The following SDC3 variants were observed in gnomAD, a reference collection of about 807,000 sequenced individuals.
SDC3 encodes syndecan 3, also known as syndecan-3.
A neutral mutation model predicts 24.4 loss-of-function variants in SDC3; 13 were observed. The ratio of observed to expected loss-of-function variants is 0.53; its 90% confidence interval spans 0.35 to 0.85. The LOEUF (loss-of-function observed/expected upper bound fraction) is 0.85, where lower values mean the gene tolerates loss of function less well. SDC3 is among the 40% of genes least tolerant of loss of function. The pLI, the probability that SDC3 is intolerant of heterozygous loss-of-function variation, is 0.01. For missense variants in SDC3, 571 were observed against 584.5 expected, an observed-to-expected ratio of 0.98 and a Z score of 0.24; for synonymous variants, 295 against 260.9, an observed-to-expected ratio of 1.13 and a Z score of -1.26.
Position 30,887,172 on chromosome 1 carries a change from G to A in SDC3, c.139-8432C>T, listed in dbSNP as rs138701335. Among the ~76,000 whole-genome samples the A allele has an allele frequency of 4.3e-3, 652 of 152,146 alleles. 3 individuals carry two copies. Among genetic ancestry groups the A allele is most frequent in the African/African-American group, 0.015 (618 of 41,498 alleles). On this transcript the variant is annotated intron_variant, in intron 1 of 4. Coordinates refer to ENST00000339394, the MANE Select transcript of SDC3 (RefSeq NM_014654.4). The stretch of plus-strand genomic sequence containing the variant: ...TCACACGACAGGTGGCCCAGCTCAG[G>A]TAGGCACCCCCTGCCCCCACCATGA...
At position 30,881,606 on chromosome 1, in the gene SDC3, G is replaced by A. The variant is rs1003500032; in HGVS notation, c.139-2866C>T. On this transcript the variant is annotated intron_variant, in intron 1 of 4. Transcript: ENST00000339394. ...GACACCCAGCAGAGGCTCCGCAAGC[G>A]GCCCATGAAGGCCTGAGCATCAGGT... Among the ~76,000 whole-genome samples the A allele has an allele frequency of 5.3e-5, 8 of 152,196 alleles. No individual in the cohort carries two copies. In the South Asian group the frequency reaches 6.2e-4, roughly 12 times the overall value.
Position 30,908,579 on chromosome 1 carries a change from G to T in SDC3, c.8C>A (p.Pro3Gln). 1 of 977,006 alleles carries T rather than the reference G, an allele frequency of 1.0e-6. No individual in the cohort carries two copies. Among genetic ancestry groups the T allele is most frequent in the South Asian group, 4.6e-5 (1 of 21,796 alleles). 60.5% of individuals were successfully genotyped at this position (977,006 alleles called of 1,614,324 possible). MK[P>Q]GPPHRAGAAH... ...GGCCCCGGCACGGTGCGGCGGCCCC[G>T]GCTTCATGGCGGCGGCGCGGGCGCG... is the stretch of plus-strand genomic sequence containing the variant. The change falls in exon 1 of 5, where the codon CCG becomes CAG. Residue 3 changes from proline (P) to glutamine (Q), a missense_variant. Physicochemically the swap from Pro to Gln is moderately conservative, Grantham distance 76 (BLOSUM62 -1). Around this residue, in one of 2 missense-constraint regions of SDC3, gnomAD observed 497 missense variants for 471.6 expected, o/e 1.05. Coordinates refer to ENST00000339394, the MANE Select transcript of SDC3 (RefSeq NM_014654.4).
At chr1:30,897,423 A>C (rs1638296453) in intron 1 of SDC3, among the ~76,000 whole-genome samples, 1 of 152,190 alleles carries the variant, frequency 6.6e-6, no homozygotes. Flanking sequence ...GGGCCCTTCC[A>C]GCTGAAATCC....
At chr1:30,883,932 G>A (rs1639782584) in intron 1 of SDC3, among the ~76,000 whole-genome samples, 1 of 152,288 alleles carries the variant, frequency 6.6e-6, no homozygotes, top group African/African-American at 2.4e-5. Context: ...CCTCAGTCCT[G>A]TGAGAACTCA....
chr1:30,887,817 C>T (rs1398583485), intron 1 of SDC3, among the ~76,000 whole-genome samples: 1 of 152,186 alleles, frequency 6.6e-6, no homozygotes, highest in Admixed American at 6.5e-5. Flanking sequence ...GCATCACCTG[C>T]CTCCTGCTCC....
At chr1:30,874,704 G>T in intron 3 of SDC3, 116 bp from the exon 4 acceptor site, 2 of 913,824 alleles carry the variant, frequency 2.2e-6, no homozygotes, top group Non-Finnish European at 1.7e-6. Flanking sequence ...CAGGCACTGT[G>T]CTACACACTA....
At chr1:30,894,395 G>A (rs1156662615) in intron 1 of SDC3, among the ~76,000 whole-genome samples, 3 of 106,164 alleles carry the variant, frequency 2.8e-5, no homozygotes, top group African/African-American at 1.1e-4. Context: ...TGAGTGTGTG[G>A]GGGAGTGAGA....
intron 1 of SDC3, among the ~76,000 whole-genome samples, chr1:30,896,055 G>A (rs1302152509): frequency 1.3e-5 from 2 of 152,114 alleles, no homozygotes; most frequent in African/African-American, 4.8e-5. Flanking sequence ...CTCACTGGGT[G>A]CCCACTGCTC....
chr1:30,900,623 C>A (rs964290573), intron 1 of SDC3, among the ~76,000 whole-genome samples: 4 of 152,134 alleles, frequency 2.6e-5, no homozygotes, highest in African/African-American at 7.2e-5. Context: ...CTACTCAGGC[C>A]CTGCATCCCC....
At chr1:30,882,204 C>A (rs1344043739) in intron 1 of SDC3, among the ~76,000 whole-genome samples, 1 of 152,196 alleles carries the variant, frequency 6.6e-6, no homozygotes, top group Non-Finnish European at 1.5e-5. Context: ...TCAGTTCCCT[C>A]CACACACACA....
At chr1:30,877,299 T>A in intron 2 of SDC3, 134 bp from the exon 3 acceptor site, 1 of 1,218,072 alleles carries the variant, frequency 8.2e-7, no homozygotes, top group South Asian at 1.4e-5. Context: ...CCAGAAAAGA[T>A]GAGAGAAAGG....
At chr1:30,880,302 G>A (rs922196519) in intron 1 of SDC3, among the ~76,000 whole-genome samples, 30 of 150,948 alleles carry the variant, frequency 2.0e-4, no homozygotes, top group Non-Finnish European at 3.4e-4. Flanking sequence ...CAGGGAAGGG[G>A]GAGGCAGAGA....
chr1:30,904,760 A>G (rs1186004761), intron 1 of SDC3, among the ~76,000 whole-genome samples: 2 of 151,986 alleles, frequency 1.3e-5, no homozygotes, highest in Admixed American at 1.3e-4. Flanking sequence ...GACCACTTTC[A>G]TTGCTTAGCT....
rs10711024 is a variant in SDC3 at position 30,869,520 on chromosome 1, TAA to T, written c.*3689_*3690del. On this transcript the variant is annotated 3_prime_UTR_variant, in exon 5 of 5. Coordinates refer to ENST00000339394, the MANE Select transcript of SDC3 (RefSeq NM_014654.4). ...TAAATGGGCACAGCACAGGAAGTGTTAAAAAAACAAACAAACAAAAAAAAAAA... is the reference window on the plus strand; with the variant it reads ...TAAATGGGCACAGCACAGGAAGTGTTAAAAACAAACAAACAAAAAAAAAAA... 2.9e-6 allele frequency: 1 copy of T among 347,238 alleles called. No individual in the cohort carries two copies. The highest frequency in any genetic ancestry group is 4.9e-6 in the Non-Finnish European group (1 of 205,050). 21.5% of individuals were successfully genotyped at this position (347,238 alleles called of 1,614,324 possible).
chr1:30,873,227 T>A lies in SDC3; in HGVS notation c.1313A>T (p.Glu438Val). The change falls in exon 5 of 5, where the codon GAG becomes GTG. Residue 438 changes from glutamate to valine, a missense_variant. Coordinates refer to ENST00000339394, the MANE Select transcript of SDC3 (RefSeq NM_014654.4). ...GTGGCTCCACTAGGCATAGAACTCC[T>A]CCTGCTTGTCAGGCTTCTGGTATGT... ...SVTYQKPDKQ[E>V]EFYA is the part of the protein sequence containing the mutation. 6.2e-7 allele frequency: 1 copy of A among 1,613,586 alleles called. No homozygotes were observed. The highest frequency in any genetic ancestry group is 1.1e-5 in the South Asian group (1 of 91,072).
intron 1 of SDC3, among the ~76,000 whole-genome samples, chr1:30,888,811 C>T (rs1005570524): frequency 6.6e-6 from 1 of 152,228 alleles, no homozygotes; most frequent in Admixed American, 6.5e-5. Flanking sequence ...CTCAGATGAT[C>T]TGAGCCACAG....
Position 30,908,056 on chromosome 1 carries a change from G to A in SDC3, c.138+393C>T, listed in dbSNP as rs538031536. ...TTCTCGCGCCTCCCAGGCCAGCGCA[G>A]GGGTCCCGCTTCGTCCCCGGGGAGA... On this transcript the variant is annotated intron_variant, in intron 1 of 4. Coordinates refer to ENST00000339394, the MANE Select transcript of SDC3 (RefSeq NM_014654.4). Among the ~76,000 whole-genome samples the A allele has an allele frequency of 2.0e-5, 3 of 152,288 alleles. No homozygotes were observed. The East Asian group carries it at 5.8e-4, about 29-fold the overall frequency.
intron 1 of SDC3, among the ~76,000 whole-genome samples, chr1:30,893,287 ACCCCACCCACCAGGAGCCCC>A (rs1270636387): frequency 1.6e-4 from 3 of 19,092 alleles, no homozygotes; most frequent in African/African-American, 5.8e-4. Context: ...GTCCATACCC[ACCCCACCCACCAGGAGCCCC>A]CCCCCCCCCC....
intron 1 of SDC3, among the ~76,000 whole-genome samples, chr1:30,882,701 A>G (rs1267822677): frequency 6.6e-6 from 1 of 152,128 alleles, no homozygotes; most frequent in East Asian, 1.9e-4. Context: ...AGGCCAGTGC[A>G]TCCCTCCCAC....
Sources: gnomAD v4.1 joint callset for allele counts (sites outside exome capture counted in the v4.1 genomes callset) on GRCh38, gnomAD v4.1.1 for gene constraint, gnomAD v4.1.1 regional missense constraint, MANE v1.5 for transcripts, NCBI Gene and HGNC (gene_info 2026-07-23, HGNC 2026-07-21) for gene names.